Variants in KLF12 observed in about 807,000 individuals in gnomAD.
KLF12 encodes Krueppel-like factor 12.
KLF12 carries 9 observed loss-of-function variants against 37.8 expected under a neutral mutation model. The ratio of observed to expected loss-of-function variants is 0.24; its 90% CI spans 0.14 to 0.42. The LOEUF is 0.42. Ranked by LOEUF, KLF12 falls within the 10% of genes least tolerant of loss-of-function variation. The pLI is 1.00. For missense variants in KLF12, 411 were observed against 516.0 expected (o/e 0.80, Z 1.97); for synonymous variants, 208 against 202.1 (o/e 1.03, Z -0.25).
At chr13:74,182,401 T>C in the KLF12 span, among the ~76,000 whole-genome samples, 1 of 152,170 alleles carries the variant, frequency 6.6e-6, no homozygotes, top group Non-Finnish European at 1.5e-5. Context: ...GACAAACTGA[T>C]TGCAGCATTG....
chr13:73,805,961 A>G lies in KLF12; in HGVS notation c.806+7191T>C, dbSNP rs187901505. Among the ~76,000 whole-genome samples the G allele has an allele frequency of 4.0e-5, 6 of 151,794 alleles. No individual in the cohort carries two copies. The East Asian group carries it at 9.7e-4, about 25-fold the overall frequency. ...CCGGGATTACAGGTGCCCACCACCA[A>G]GCCCAACTAATTTTCATATTTTTGT... On this transcript the variant is annotated intron_variant, in intron 5 of 7. Transcript: ENST00000377669.
At chr13:73,729,405 A>G (rs1162145337) in intron 6 of KLF12, among the ~76,000 whole-genome samples, 2 of 152,230 alleles carry the variant, frequency 1.3e-5, no homozygotes, top group Non-Finnish European at 2.9e-5. Context: ...AATGGCTTCT[A>G]TAGCACCAAA....
intron 6 of KLF12, among the ~76,000 whole-genome samples, chr13:73,756,293 G>A (rs1879163667): frequency 1.3e-5 from 2 of 152,250 alleles, no homozygotes; most frequent in South Asian, 2.1e-4. Flanking sequence ...TCTGCCTATC[G>A]TATATGTGAT....
chr13:74,101,317 C>A (rs1178434477), intron 1 of KLF12, among the ~76,000 whole-genome samples: 1 of 152,150 alleles, frequency 6.6e-6, no homozygotes, highest in Admixed American at 6.6e-5. Context: ...TTGTGTAATT[C>A]CCATGCGCTT....
At chr13:74,237,279 C>G in the KLF12 span, among the ~76,000 whole-genome samples, 1 of 141,502 alleles carries the variant, frequency 7.1e-6, no homozygotes, top group Middle Eastern at 3.2e-3. Flanking sequence ...TCTGAGGGCT[C>G]TGTTCTGTTC....
chr13:73,923,371 T>C (rs1889216508), intron 3 of KLF12, among the ~76,000 whole-genome samples: 1 of 152,190 alleles, frequency 6.6e-6, no homozygotes, highest in Non-Finnish European at 1.5e-5. Context: ...CTTACTATAC[T>C]TCTTATAACT....
At chr13:74,274,546 A>C in the KLF12 span, among the ~76,000 whole-genome samples, 2 of 152,158 alleles carry the variant, frequency 1.3e-5, no homozygotes, top group East Asian at 3.8e-4. Context: ...CTTGAGTAAT[A>C]AGATTTTACT....
chr13:74,112,171 C>T (rs1463674588), intron 1 of KLF12, among the ~76,000 whole-genome samples: 1 of 150,928 alleles, frequency 6.6e-6, no homozygotes, highest in Non-Finnish European at 1.5e-5. Context: ...TTTTAAAGGG[C>T]TGTTAAATAA....
chr13:73,876,974 C>T (rs1419525762), intron 3 of KLF12, among the ~76,000 whole-genome samples: 1 of 150,036 alleles, frequency 6.7e-6, no homozygotes, highest in Admixed American at 6.6e-5. Context: ...GAGACCGTGC[C>T]ACTGCACTCT....
intron 2 of KLF12, among the ~76,000 whole-genome samples, chr13:73,974,672 A>G (rs2138133388): frequency 6.6e-6 from 1 of 152,316 alleles, no homozygotes; most frequent in South Asian, 2.1e-4. Context: ...CGATTACTTT[A>G]TTAAGTCAAT....
At chr13:74,136,394 TCAA>T (rs1266271396), upstream of KLF12, among the ~76,000 whole-genome samples, 2 of 152,070 alleles carry the variant, frequency 1.3e-5, no homozygotes, top group African/African-American at 2.4e-5. Flanking sequence ...CAGCAGAATA[TCAA>T]CAACTGCGCA....
chr13:74,166,419 C>T, the KLF12 span, among the ~76,000 whole-genome samples: 1 of 152,014 alleles, frequency 6.6e-6, no homozygotes, highest in Non-Finnish European at 1.5e-5. Flanking sequence ...ACCTAAAAGA[C>T]ACCCTAAAAG....
At chr13:73,895,745 T>A (rs923094458) in intron 3 of KLF12, among the ~76,000 whole-genome samples, 1 of 152,052 alleles carries the variant, frequency 6.6e-6, no homozygotes, top group Non-Finnish European at 1.5e-5. Context: ...AGTTTGATAT[T>A]AGATTAACAA....
chr13:73,713,910 T>C (rs1274981971), intron 7 of KLF12, among the ~76,000 whole-genome samples: 1 of 152,182 alleles, frequency 6.6e-6, no homozygotes, highest in Non-Finnish European at 1.5e-5. Context: ...TAGAAAGTCA[T>C]TTTTTTAAAA....
chr13:74,195,347 G>C, the KLF12 span, among the ~76,000 whole-genome samples: 2 of 152,134 alleles, frequency 1.3e-5, no homozygotes, highest in Non-Finnish European at 2.9e-5. Context: ...TCACATTCTT[G>C]CTGGGCGTGC....
chr13:74,214,616 A>T, the KLF12 span, among the ~76,000 whole-genome samples: 1 of 151,162 alleles, frequency 6.6e-6, no homozygotes, highest in Non-Finnish European at 1.5e-5. Context: ...TGTGGTATAG[A>T]GTGTCTGGTG....
chr13:73,953,970 C>CTTTTTTTTT lies in KLF12; in HGVS notation c.34-9909_34-9901dup, dbSNP rs67945624. Reference sequence around the variant, plus strand: ...AGTAATTAGGTTTTGTTTTTTCTTTCTTTTTTTTTTTTTTTTTTTTTTTTT... The same window carrying CTTTTTTTTT: ...AGTAATTAGGTTTTGTTTTTTCTTTCTTTTTTTTTTTTTTTTTTTTTTTTTTTTTTTTTT... On this transcript the variant is annotated intron_variant, in intron 2 of 7. Transcript: ENST00000377669. 9.0e-5 allele frequency among the ~76,000 whole-genome samples: 8 copies of CTTTTTTTTT among 88,534 alleles called. 1 individual carries two copies. The highest frequency in any genetic ancestry group is 3.5e-4 in the African/African-American group (8 of 22,646). The allele number at this position is 88,534 out of a possible 152,430, so 58.1% of individuals were successfully genotyped here. A position where few individuals can be genotyped will look rare whatever the true frequency, so the allele number is the denominator to read the frequency against.
intron 3 of KLF12, among the ~76,000 whole-genome samples, chr13:73,851,680 T>C (rs78560700): frequency 0.013 from 1,925 of 152,348 alleles, 43 homozygotes; most frequent in African/African-American, 0.043. Flanking sequence ...TATTTGTTTC[T>C]TGTGTCTTGG....
intron 2 of KLF12, among the ~76,000 whole-genome samples, chr13:73,967,465 C>T (rs1157037530): frequency 3.3e-5 from 5 of 152,158 alleles, no homozygotes; most frequent in African/African-American, 9.6e-5. Flanking sequence ...AGAAATACCA[C>T]TCCTGCTGAG....
Sources: allele counts gnomAD v4.1 joint callset (sites outside exome capture counted in the v4.1 genomes callset), GRCh38; gene constraint gnomAD v4.1.1; transcripts MANE v1.5; gene names NCBI Gene and HGNC (gene_info 2026-07-23, HGNC 2026-07-21).